The following DEPDC1B variants were observed in gnomAD, a reference collection of about 807,000 sequenced individuals.
DEPDC1B encodes the protein DEP domain containing 1B.
In DEPDC1B, 51 loss-of-function variants were observed where a neutral mutation model predicts 66.5. The observed-to-expected ratio is 0.77, with a 90% CI of 0.61 to 0.97. DEPDC1B has a LOEUF of 0.97. Among genes scored for constraint, DEPDC1B ranks in the 50% least tolerant of loss-of-function variants. The pLI is 0.00. For missense variants in DEPDC1B, 552 were observed against 637.1 expected (o/e 0.87, Z 1.44); for synonymous variants, 226 against 223.6 (o/e 1.01, Z -0.10).
In DEPDC1B at chr5:60,690,977, C is replaced by A. The variant is rs77722122; in HGVS notation, c.49-3750G>T. The stretch of plus-strand genomic sequence containing the variant: ...AAGTGGGGTTTGTGTATGCATGTAC[C>A]CCGGATGTGTAGCACAGTGTGTGAC... On this transcript the variant is annotated intron_variant, in intron 1 of 10. Transcript: ENST00000265036. 2.0e-3 allele frequency among the ~76,000 whole-genome samples: 302 copies of A among 152,196 alleles called. 6 individuals are homozygous for A. The East Asian group carries it at 0.041, about 21-fold the overall frequency.
chr5:60,648,597 A>G (rs777986686), intron 2 of DEPDC1B, among the ~76,000 whole-genome samples: 3 of 152,238 alleles, frequency 2.0e-5, no homozygotes, highest in Non-Finnish European at 4.4e-5. Context: ...ATAGAGAAAC[A>G]TTTCAAAAAC....
At chr5:60,625,901 T>C (rs1752800358) in intron 7 of DEPDC1B, among the ~76,000 whole-genome samples, 1 of 152,198 alleles carries the variant, frequency 6.6e-6, no homozygotes, top group Non-Finnish European at 1.5e-5. Context: ...CTGGAGTGTC[T>C]AATCTACCCC....
chr5:60,658,456 C>G (rs1216189302), intron 2 of DEPDC1B, among the ~76,000 whole-genome samples: 1 of 152,128 alleles, frequency 6.6e-6, no homozygotes, highest in African/African-American at 2.4e-5. Flanking sequence ...GGATCAAGGG[C>G]TATTGTTCAG....
chr5:60,610,461 A>G (rs1435893412), intron 7 of DEPDC1B, among the ~76,000 whole-genome samples: 1 of 152,220 alleles, frequency 6.6e-6, no homozygotes, highest in African/African-American at 2.4e-5. Context: ...TTTCTTTAAA[A>G]TCTGGTTAAG....
At chr5:60,691,600 C>A (rs751034266) in intron 1 of DEPDC1B, among the ~76,000 whole-genome samples, 9 of 150,024 alleles carry the variant, frequency 6.0e-5, no homozygotes, top group Non-Finnish European at 1.0e-4. Context: ...CTATCATTTC[C>A]AAACAAAACA....
chr5:60,644,875 G>A lies in DEPDC1B; in HGVS notation c.579C>T (p.Tyr193=). The change falls in exon 5 of 11, where the codon TAC becomes TAT. Residue 193 remains tyrosine, a splice_region_variant and synonymous_variant. Transcript: ENST00000265036. ...EEIWKSMTLS[Y]LQKILGLDSL... ...AATCCAGGCCAAGAATTTTCTGTAA[G>A]CTAAAAGATAAGTAATTATATTAAT... 1 of 1,593,464 alleles carries A rather than the reference G, an allele frequency of 6.3e-7. No individual in the cohort carries two copies. Among genetic ancestry groups the A allele is most frequent in the South Asian group, 1.1e-5 (1 of 87,274 alleles).
chr5:60,685,206 G>C (rs564562401), intron 2 of DEPDC1B, among the ~76,000 whole-genome samples: 1 of 152,290 alleles, frequency 6.6e-6, no homozygotes, highest in Non-Finnish European at 1.5e-5. Flanking sequence ...CTGCATGTAT[G>C]CAACGGCCGG....
intron 7 of DEPDC1B, among the ~76,000 whole-genome samples, chr5:60,610,958 G>C (rs1752403771): frequency 6.6e-6 from 1 of 152,102 alleles, no homozygotes; most frequent in South Asian, 2.1e-4. Flanking sequence ...GTCTTTATTG[G>C]AGTCACCTAT....
intron 2 of DEPDC1B, among the ~76,000 whole-genome samples, chr5:60,676,241 T>C (rs868084925): frequency 1.4e-4 from 21 of 152,126 alleles, no homozygotes; most frequent in African/African-American, 4.1e-4. Flanking sequence ...TTTTTTTTTT[T>C]TTCTTCTTTA....
Position 60,661,705 on chromosome 5 carries a change from G to A in DEPDC1B, c.315-14172C>T, listed in dbSNP as rs538558077. On this transcript the variant is annotated intron_variant, in intron 2 of 10. Transcript: ENST00000265036. ...ACTAACCCTAAATAAGAAAAGTGCC[G>A]CCATAACTGCAGCCCGAGAGTTTGG... Among the ~76,000 whole-genome samples, 23 of 152,218 alleles carry A rather than the reference G, an allele frequency of 1.5e-4. No individual in the cohort carries two copies. In the South Asian group the frequency reaches 4.1e-3, roughly 27 times the overall value.
chr5:60,608,769 C>T (rs1381180025), intron 7 of DEPDC1B, among the ~76,000 whole-genome samples: 2 of 151,920 alleles, frequency 1.3e-5, no homozygotes, highest in African/African-American at 4.8e-5. Flanking sequence ...TCTAAACAAC[C>T]AGTTGCTTGC....
chr5:60,669,021 A>C (rs936159699), intron 2 of DEPDC1B, among the ~76,000 whole-genome samples: 1 of 152,230 alleles, frequency 6.6e-6, no homozygotes, highest in Non-Finnish European at 1.5e-5. Context: ...GAAGAAATTA[A>C]GGCCAGAAAA....
intron 2 of DEPDC1B, among the ~76,000 whole-genome samples, chr5:60,666,765 C>T (rs1753850719): frequency 6.6e-6 from 1 of 152,080 alleles, no homozygotes; most frequent in Non-Finnish European, 1.5e-5. Flanking sequence ...GAGGTGGCAC[C>T]GACTACCCTA....
chr5:60,629,088 C>T (rs1369328478), intron 7 of DEPDC1B, among the ~76,000 whole-genome samples: 3 of 152,138 alleles, frequency 2.0e-5, no homozygotes, highest in Non-Finnish European at 4.4e-5. Flanking sequence ...CGGTACCTGG[C>T]CCTGACTGCT....
intron 2 of DEPDC1B, among the ~76,000 whole-genome samples, chr5:60,661,220 G>A (rs780833071): frequency 2.6e-5 from 4 of 152,272 alleles, no homozygotes; most frequent in East Asian, 1.9e-4. Context: ...TGTTGGGCAC[G>A]CTGGTAAAGG....
chr5:60,623,046 A>AAGAT (rs1222790130), intron 7 of DEPDC1B, among the ~76,000 whole-genome samples: 1 of 152,150 alleles, frequency 6.6e-6, no homozygotes, highest in Non-Finnish European at 1.5e-5. Context: ...TCTAGGAACT[A>AAGAT]AGATATCTTT....
intron 1 of DEPDC1B, among the ~76,000 whole-genome samples, chr5:60,697,125 C>T (rs1754673675): frequency 6.6e-6 from 1 of 152,080 alleles, no homozygotes; most frequent in South Asian, 2.1e-4. Flanking sequence ...ACTATTTATA[C>T]CAAGTTTACA....
intron 2 of DEPDC1B, among the ~76,000 whole-genome samples, chr5:60,667,429 A>G (rs1753868838): frequency 6.8e-6 from 1 of 147,158 alleles, no homozygotes; most frequent in Admixed American, 6.8e-5. Context: ...GATATTTTAC[A>G]TATATACAAA....
intron 2 of DEPDC1B, among the ~76,000 whole-genome samples, chr5:60,679,642 C>T (rs1187943929): frequency 1.4e-4 from 22 of 152,144 alleles, no homozygotes. Context: ...ACCATCTGAG[C>T]TGTGAATTTC....
Sources: gnomAD v4.1 joint callset for allele counts (sites outside exome capture counted in the v4.1 genomes callset) on GRCh38, gnomAD v4.1.1 for gene constraint, MANE v1.5 for transcripts, NCBI Gene and HGNC (gene_info 2026-07-23, HGNC 2026-07-21) for gene names.